CD226: variants seen among roughly 807,000 people sequenced by gnomAD.
The protein encoded by CD226 is CD226 molecule, also known as CD226 antigen.
CD226 carries 24 observed loss-of-function variants against 34.9 expected under a neutral mutation model. The observed-to-expected ratio is 0.69, with a 90% CI of 0.50 to 0.97. CD226 has a LOEUF of 0.97. Ranked by LOEUF, CD226 falls within the 50% of genes least tolerant of loss-of-function variation. The pLI is 0.00. For missense variants in CD226, 397 were observed against 412.7 expected (o/e 0.96, Z 0.33); for synonymous variants, 148 against 147.4 (o/e 1.00, Z -0.03).
intron 2 of CD226, among the ~76,000 whole-genome samples, chr18:69,940,611 CT>C (rs750458186): frequency 1.4e-5 from 2 of 147,616 alleles, no homozygotes; most frequent in African/African-American, 2.5e-5. Flanking sequence ...CATTTTGCCC[CT>C]GCCCCAGAGA....
intron 2 of CD226, among the ~76,000 whole-genome samples, chr18:69,909,219 G>A (rs1403663073): frequency 6.6e-6 from 1 of 152,168 alleles, no homozygotes; most frequent in East Asian, 1.9e-4. Flanking sequence ...ATTTTGGGGG[G>A]ACTACATGGA....
chr18:69,887,096 T>C (rs1984601962), intron 3 of CD226, among the ~76,000 whole-genome samples: 2 of 152,078 alleles, frequency 1.3e-5, no homozygotes, highest in Admixed American at 6.5e-5. Context: ...ACTGATACCT[T>C]TATCTGCTGG....
chr18:69,897,374 C>G (rs1365766155), intron 2 of CD226, among the ~76,000 whole-genome samples: 1 of 152,164 alleles, frequency 6.6e-6, no homozygotes, highest in Admixed American at 6.5e-5. Context: ...GATAACCCAG[C>G]AAGGTAACAA....
chr18:69,914,784 G>A (rs939868915), intron 2 of CD226, among the ~76,000 whole-genome samples: 9 of 152,152 alleles, frequency 5.9e-5, no homozygotes, highest in African/African-American at 2.2e-4. Flanking sequence ...CAAGGAAATT[G>A]CAAAGGAAAG....
At chr18:69,898,024 A>G (rs1985400304) in intron 2 of CD226, among the ~76,000 whole-genome samples, 1 of 152,220 alleles carries the variant, frequency 6.6e-6, no homozygotes, top group Non-Finnish European at 1.5e-5. Flanking sequence ...AAGAAAGAAA[A>G]GCAAAGGAAG....
chr18:69,896,195 T>TC, intron 2 of CD226, 150 bp from the exon 3 acceptor site: 1 of 1,406,924 alleles, frequency 7.1e-7, no homozygotes, highest in South Asian at 1.5e-5. Flanking sequence ...TTTTTTTTTT[T>TC]TCCTGAGACG....
intron 2 of CD226, among the ~76,000 whole-genome samples, chr18:69,937,441 T>G (rs1227751748): frequency 2.0e-5 from 3 of 152,228 alleles, no homozygotes; most frequent in African/African-American, 4.8e-5. Flanking sequence ...TTTCAGGGAC[T>G]CTGCCCTGAA....
At chr18:69,960,186 GC>G (rs999675120), upstream of CD226, among the ~76,000 whole-genome samples, 1 of 151,234 alleles carries the variant, frequency 6.6e-6, no homozygotes, top group African/African-American at 2.4e-5. Flanking sequence ...GTTGTAGTGA[GC>G]CAAGATTGTG....
intron 2 of CD226, among the ~76,000 whole-genome samples, chr18:69,901,762 C>T (rs963737630): frequency 3.9e-5 from 6 of 151,928 alleles, no homozygotes; most frequent in African/African-American, 1.5e-4. Context: ...GCCTGTAGTC[C>T]CAGCTACTCA....
intron 2 of CD226, among the ~76,000 whole-genome samples, chr18:69,909,061 CCT>C (rs1204621684): frequency 2.0e-5 from 3 of 152,340 alleles, no homozygotes; most frequent in Non-Finnish European, 4.4e-5. Context: ...ACCACTCCCT[CCT>C]CTGTTTTACC....
chr18:69,905,505 G>A (rs1278610315), intron 2 of CD226, among the ~76,000 whole-genome samples: 1 of 152,150 alleles, frequency 6.6e-6, no homozygotes, highest in Admixed American at 6.5e-5. Flanking sequence ...CCCTGCCAAG[G>A]TGAGTGCACC....
At chr18:69,942,532 T>C (rs1439353248) in intron 2 of CD226, among the ~76,000 whole-genome samples, 1 of 152,190 alleles carries the variant, frequency 6.6e-6, no homozygotes, top group Non-Finnish European at 1.5e-5. Context: ...CATCAATAAC[T>C]TTTCGGGTTT....
chr18:69,870,918 C>T lies in CD226; in HGVS notation c.830+2226G>A, dbSNP rs183829434. Among the ~76,000 whole-genome samples the T allele has an allele frequency of 1.5e-4, 23 of 152,284 alleles. No homozygotes were observed. The East Asian group carries it at 4.4e-3, about 29-fold the overall frequency. ...TGGAAGTAACAACCACAAACTGATA[C>T]TAGTGACGAGGCAGAAGGAACAAGT... is the stretch of plus-strand genomic sequence containing the variant. On this transcript the variant is annotated intron_variant, in intron 4 of 5. Coordinates refer to ENST00000582621, the MANE Select transcript of CD226 (RefSeq NM_001303618.2).
intron 2 of CD226, among the ~76,000 whole-genome samples, chr18:69,906,205 C>A (rs1340249012): frequency 6.6e-6 from 1 of 152,158 alleles, no homozygotes; most frequent in Non-Finnish European, 1.5e-5. Flanking sequence ...AGTACCTGCA[C>A]ACCCTCACAA....
chr18:69,865,680 T>C lies in CD226; in HGVS notation c.886-1241A>G, dbSNP rs17081734. On this transcript the variant is annotated intron_variant, in intron 5 of 5. Transcript: ENST00000582621. The stretch of plus-strand genomic sequence containing the variant: ...ACAGTTGGCATCAAGAAGCAATCCA[T>C]GTTTTTTGCCAACAAACAAAAAAAA... 5.9e-3 allele frequency among the ~76,000 whole-genome samples: 891 copies of C among 152,292 alleles called. 28 individuals carry two copies. The East Asian group carries it at 0.086, about 15-fold the overall frequency.
chr18:69,901,265 G>C (rs10432229), intron 2 of CD226, among the ~76,000 whole-genome samples: 45,764 of 152,070 alleles, frequency 0.3, 7,155 homozygotes, highest in Middle Eastern at 0.46. Flanking sequence ...TAGAACTGGA[G>C]AAATGCAAAG....
At chr18:69,924,268 C>T (rs1295858342) in intron 2 of CD226, among the ~76,000 whole-genome samples, 1 of 152,098 alleles carries the variant, frequency 6.6e-6, no homozygotes, top group Non-Finnish European at 1.5e-5. Flanking sequence ...AGACACACTA[C>T]ATTTGTACTA....
chr18:69,873,678 T>C (rs1232936070), intron 3 of CD226, among the ~76,000 whole-genome samples: 1 of 152,072 alleles, frequency 6.6e-6, no homozygotes, highest in Non-Finnish European at 1.5e-5. Flanking sequence ...AAGACCAGCA[T>C]GGGCAACATG....
At chr18:69,880,132 AAAG>A (rs1398493075) in intron 3 of CD226, among the ~76,000 whole-genome samples, 1 of 151,840 alleles carries the variant, frequency 6.6e-6, no homozygotes, top group Non-Finnish European at 1.5e-5. Flanking sequence ...TGTTTCAGTA[AAAG>A]AAGAAAGAAA....
Sources: gnomAD v4.1 joint callset for allele counts (sites outside exome capture counted in the v4.1 genomes callset) on GRCh38, gnomAD v4.1.1 for gene constraint, MANE v1.5 for transcripts, NCBI Gene and HGNC (gene_info 2026-07-23, HGNC 2026-07-21) for gene names.